Variants in HELZ observed in about 807,000 individuals in gnomAD.
HELZ encodes helicase with zinc finger, also known as ATP-dependent RNA helicase with zinc finger domain.
A neutral mutation model predicts 218.2 loss-of-function variants in HELZ; 23 were observed. That is an observed-to-expected ratio of 0.11 (90% CI 0.08 to 0.15). The LOEUF (loss-of-function observed/expected upper bound fraction) is 0.15. Among genes scored for constraint, HELZ ranks in the 10% least tolerant of loss-of-function variants. The pLI is 1.00. For missense variants in HELZ, 1,813 were observed against 2,353.7 expected (o/e 0.77, Z 4.75); for synonymous variants, 814 against 829.4 (o/e 0.98, Z 0.32).
At position 67,151,242 on chromosome 17, in the gene HELZ, AT is replaced by A. The variant is rs1378071803; in HGVS notation, c.2178-19del. The stretch of plus-strand genomic sequence containing the variant: ...AATATACCCTGGAAAAGAAGAAAAT[AT>A]TTCTGATTTACATTTACTAATTTCT... On this transcript the variant is annotated intron_variant, in intron 17 of 32. Coordinates refer to ENST00000358691, the MANE Select transcript of HELZ (RefSeq NM_014877.4). 1.3e-6 allele frequency: 2 copies of A among 1,579,398 alleles called. No homozygotes were observed. Among genetic ancestry groups the A allele is most frequent in the African/African-American group, 2.7e-5 (2 of 74,012 alleles).
At chr17:67,092,277 G>A (rs1340059240) in intron 31 of HELZ, among the ~76,000 whole-genome samples, 2 of 152,140 alleles carry the variant, frequency 1.3e-5, no homozygotes, top group African/African-American at 2.4e-5. Context: ...CACATTTCCA[G>A]AATACATGGA....
At chr17:67,142,526 ACAGG>A (rs2038359695) in intron 21 of HELZ, among the ~76,000 whole-genome samples, 1 of 152,066 alleles carries the variant, frequency 6.6e-6, no homozygotes, top group Non-Finnish European at 1.5e-5. Context: ...AACAAAACAA[ACAGG>A]CAGAGATTTT....
chr17:67,092,852 C>G (rs1199775368), intron 31 of HELZ, among the ~76,000 whole-genome samples: 1 of 150,260 alleles, frequency 6.7e-6, no homozygotes, highest in Non-Finnish European at 1.5e-5. Context: ...GTAATCCCAG[C>G]TACTTGAGAG....
intron 7 of HELZ, among the ~76,000 whole-genome samples, chr17:67,199,299 G>A (rs766530933): frequency 3.5e-4 from 50 of 143,744 alleles, no homozygotes; most frequent in Non-Finnish European, 6.9e-4. Flanking sequence ...TGCAACTTCC[G>A]CCTCCTGGGT....
chr17:67,079,064 C>T (rs887536157), intron 32 of HELZ, among the ~76,000 whole-genome samples: 2 of 152,166 alleles, frequency 1.3e-5, no homozygotes, highest in African/African-American at 4.8e-5. Context: ...TACTGAGTAA[C>T]ATGGAATAAG....
chr17:67,086,638 ATAT>A (rs1567787932), intron 32 of HELZ, among the ~76,000 whole-genome samples, 188 bp downstream of exon 32: 30,594 of 122,772 alleles, frequency 0.25, 4,657 homozygotes, highest in East Asian at 0.61. Context: ...ATAAATATAT[ATAT>A]ATATATATAT....
chr17:67,167,902 C>G, intron 13 of HELZ, 106 bp from the exon 14 acceptor site: 3 of 748,324 alleles, frequency 4.0e-6, no homozygotes, highest in Non-Finnish European at 6.5e-6. Flanking sequence ...AAAAATTAAA[C>G]CATTATATCA....
rs1466456158 is a variant in HELZ at position 67,074,395 on chromosome 17, G to A, written c.*3857C>T. On this transcript the variant is annotated 3_prime_UTR_variant, in exon 33 of 33. Coordinates refer to ENST00000358691, the MANE Select transcript of HELZ (RefSeq NM_014877.4). ...AAAAATAACTCCACTATAAAACAAT[G>A]CTATAGAAGGTGTCTGTTTTTAAAT... 1 of 152,036 alleles carries A rather than the reference G, an allele frequency of 6.6e-6. No homozygotes were observed. The highest frequency in any genetic ancestry group is 1.5e-5 in the Non-Finnish European group (1 of 68,000). 9.4% of individuals were successfully genotyped at this position (152,036 alleles called of 1,614,324 possible).
chr17:67,218,971 G>C, intron 3 of HELZ, 149 bp from the exon 4 acceptor site: 1 of 603,862 alleles, frequency 1.7e-6, no homozygotes, highest in East Asian at 2.8e-5. Flanking sequence ...AGCAGCTATT[G>C]ATGCTACAAA....
At chr17:67,222,638 C>T (rs1404574987) in intron 3 of HELZ, among the ~76,000 whole-genome samples, 8 of 152,172 alleles carry the variant, frequency 5.3e-5, no homozygotes, top group Non-Finnish European at 1.0e-4. Flanking sequence ...ATGCTCCGTT[C>T]AGCTGTTTTG....
At chr17:67,156,626 T>G (rs1272850241) in intron 17 of HELZ, among the ~76,000 whole-genome samples, 4 of 152,028 alleles carry the variant, frequency 2.6e-5, no homozygotes, top group Non-Finnish European at 5.9e-5. Context: ...AACTCTCCCC[T>G]CAGCTTCCAT....
chr17:67,238,353 A>C (rs1337617936), intron 3 of HELZ, among the ~76,000 whole-genome samples: 16 of 150,492 alleles, frequency 1.1e-4, no homozygotes, highest in Non-Finnish European at 2.2e-4. Flanking sequence ...GTCTCTCAAA[A>C]AAAAAAAAAA....
chr17:67,238,130 G>A (rs2143494456), intron 3 of HELZ, among the ~76,000 whole-genome samples: 1 of 151,692 alleles, frequency 6.6e-6, no homozygotes, highest in South Asian at 2.1e-4. Context: ...TGGATCATGA[G>A]GTCAGGAGTT....
At chr17:67,226,826 T>C (rs897565679) in intron 3 of HELZ, among the ~76,000 whole-genome samples, 3 of 152,208 alleles carry the variant, frequency 2.0e-5, no homozygotes, top group African/African-American at 7.2e-5. Context: ...GTATTCAATA[T>C]ATGCAATAAC....
intron 13 of HELZ, among the ~76,000 whole-genome samples, chr17:67,168,668 T>C (rs921846071): frequency 1.3e-5 from 2 of 152,242 alleles, no homozygotes; most frequent in Admixed American, 1.3e-4. Flanking sequence ...GCAGGAATTA[T>C]GGCAAGAGAA....
rs750570043 is a variant in HELZ, at chr17:67,145,795, C to A, written c.2717G>T (p.Arg906Leu). The A allele has an allele frequency of 1.2e-6, 2 of 1,612,856 alleles. No individual in the cohort carries two copies. The highest frequency in any genetic ancestry group is 1.7e-6 in the Non-Finnish European group (2 of 1,179,048). Residue 906 changes from arginine to leucine, a missense_variant, in exon 21 of 33, where the codon CGA becomes CTA. Physicochemically the swap from Arg to Leu is moderately radical, Grantham distance 102. This residue lies in a region of HELZ where 156 missense variants were observed against 274.4 expected (regional missense o/e 0.57). Transcript: ENST00000358691. ...ATTTTTTTCTTGTACATCTTCTCCT[C>A]GTGCTGTAAAGAAAGTTAGTGGGTA... ...DFYPLTFFTA[R>L]GEDVQEKNST...
rs1054544672 is a variant in HELZ, at chr17:67,150,977, T to C, written c.2356+69A>G. On this transcript the variant is annotated intron_variant, in intron 18 of 32. Transcript: ENST00000358691. Reference sequence around the variant, plus strand: ...CCAGATTTGGCCCACACACTGTAGTTTGCCAATCCCAGTCTAAACTGAATT... The same window carrying C: ...CCAGATTTGGCCCACACACTGTAGTCTGCCAATCCCAGTCTAAACTGAATT... 5.1e-6 allele frequency: 7 copies of C among 1,383,168 alleles called. No homozygotes were observed. In the African/African-American group the frequency reaches 7.2e-5, roughly 14 times the overall value. The allele number at this position is 1,383,168 out of a possible 1,614,324, so 85.7% of individuals were successfully genotyped here.
chr17:67,192,096 G>A (rs2039912695), intron 9 of HELZ, among the ~76,000 whole-genome samples: 1 of 151,984 alleles, frequency 6.6e-6, no homozygotes, highest in Non-Finnish European at 1.5e-5. Flanking sequence ...CAGCTACTTG[G>A]GAGGCTGAGG....
chr17:67,116,614 C>T (rs2037434654), intron 27 of HELZ, among the ~76,000 whole-genome samples: 2 of 152,052 alleles, frequency 1.3e-5, no homozygotes. Context: ...AAGGTCATTC[C>T]ATAACGATAA....
Sources: allele counts gnomAD v4.1 joint callset (sites outside exome capture counted in the v4.1 genomes callset), GRCh38; gene constraint gnomAD v4.1.1; regional missense constraint gnomAD v4.1.1; transcripts MANE v1.5; gene names NCBI Gene and HGNC (gene_info 2026-07-23, HGNC 2026-07-21).